Variants in KANSL1 observed in about 807,000 individuals in gnomAD.
The protein encoded by KANSL1 is MLL1/MLL complex subunit KANSL1.
A neutral mutation model predicts 103.6 loss-of-function variants in KANSL1; 22 were observed. The observed-to-expected ratio is 0.21, with a 90% CI of 0.15 to 0.30. The LOEUF (loss-of-function observed/expected upper bound fraction) is 0.30, where lower values mean the gene tolerates loss of function less well. Ranked by LOEUF, KANSL1 falls within the 10% of genes least tolerant of loss-of-function variation. KANSL1 has a pLI of 1.00. For synonymous variants in KANSL1, 600 were observed against 527.6 expected (o/e 1.14, Z -1.88); for missense variants, 1,337 against 1,399.8 (o/e 0.96, Z 0.72).
chr17:46,107,676 C>G (rs569978325), intron 2 of KANSL1, among the ~76,000 whole-genome samples: 26 of 152,310 alleles, frequency 1.7e-4, no homozygotes, highest in African/African-American at 6.3e-4. Context: ...GCTGAAATCG[C>G]TCCCCTCAAC....
rs768018906 is a variant in KANSL1 at position 46,031,609 on chromosome 17, C to T, written c.3185G>A (p.Arg1062His). 7.4e-6 allele frequency: 12 copies of T among 1,614,072 alleles called. No individual in the cohort carries two copies. In the South Asian group the frequency reaches 1.1e-4, roughly 15 times the overall value. ...DQLDAQERAA[R>H]CTRRTSGSKT... Reference sequence around the variant, plus strand: ...GCTGCCTGAGGTGCGTCGAGTGCAGCGGGCTGCTCGCTCCTGTGCATCCAG... The same window carrying T: ...GCTGCCTGAGGTGCGTCGAGTGCAGTGGGCTGCTCGCTCCTGTGCATCCAG... The change falls in exon 15 of 15, where the codon CGC (arginine) becomes CAC (histidine). Residue 1062 changes from arginine (R) to histidine (H), a missense_variant. Around this residue, in one of 2 missense-constraint regions of KANSL1, gnomAD observed 780 missense variants for 923.4 expected, o/e 0.84. Transcript: ENST00000432791.
chr17:46,050,564 A>G lies in KANSL1; in HGVS notation c.1989T>C (p.Ser663=), dbSNP rs368175458. The G allele has an allele frequency of 8.7e-6, 14 of 1,614,088 alleles. No homozygotes were observed. The highest frequency in any genetic ancestry group is 2.2e-5 in the East Asian group (1 of 44,900). Residue 663 remains serine, a synonymous_variant, in exon 7 of 15, where the codon TCT becomes TCC. Transcript: ENST00000432791. ...PLLERLSQLD[S]CVHPVLAFPD... ...GAAATGCTAGAACAGGATGAACACA[A>G]GAGTCCAACTGGGAAAGACGTTCCA...
In KANSL1 at chr17:46,171,056, G is replaced by A. The variant is rs775962610; in HGVS notation, c.1088C>T (p.Thr363Ile). 6 of 1,614,064 alleles carry A rather than the reference G, an allele frequency of 3.7e-6. No individual in the cohort carries two copies. Among genetic ancestry groups the A allele is most frequent in the Admixed American group, 1.7e-5 (1 of 60,006 alleles). The change falls in exon 2 of 15, where the codon ACT becomes ATT. Residue 363 changes from threonine (T) to isoleucine (I), a missense_variant. By Grantham distance (89) the Thr-to-Ile change is moderately conservative (BLOSUM62 -1). Around this residue, in one of 2 missense-constraint regions of KANSL1, gnomAD observed 557 missense variants for 476.4 expected, o/e 1.17. Coordinates refer to ENST00000432791, the MANE Select transcript of KANSL1 (RefSeq NM_015443.4). ...ALRKAASETTTSEGLSNFLKS... is the reference protein window; with the variant it reads ...ALRKAASETTISEGLSNFLKS... ...CAGAAAGTTGCTAAGTCCCTCTGAA[G>A]TGGTGGTCTCACTGGCAGCTTTTCT...
intron 6 of KANSL1, among the ~76,000 whole-genome samples, chr17:46,060,048 A>G (rs2078103987): frequency 6.6e-6 from 1 of 152,200 alleles, no homozygotes; most frequent in African/African-American, 2.4e-5. Context: ...ACACGAAGAA[A>G]TTCCCACGTT....
intron 2 of KANSL1, among the ~76,000 whole-genome samples, chr17:46,147,880 AT>A (rs1466498939): frequency 6.6e-6 from 1 of 152,190 alleles, no homozygotes; most frequent in Non-Finnish European, 1.5e-5. Context: ...AGGAATCTGA[AT>A]TTTTAAGTAC....
intron 3 of KANSL1, chr17:46,093,401 A>T (rs2079491404): frequency 6.6e-6 from 1 of 152,472 alleles, no homozygotes; most frequent in Admixed American, 6.6e-5. Context: ...CTAAGGGAAC[A>T]AACTAGTAAG....
At chr17:46,186,926 G>A (rs2047063578) in intron 1 of KANSL1, among the ~76,000 whole-genome samples, 1 of 152,026 alleles carries the variant, frequency 6.6e-6, no homozygotes, top group Non-Finnish European at 1.5e-5. Context: ...GTAGAGACAG[G>A]GTTTCACCAT....
Position 46,050,594 on chromosome 17 carries a change from A to G in KANSL1, c.1959T>C (p.Pro653=). ...TMPPEIHYEA[P]LLERLSQLDS... ...CCAACTGGGAAAGACGTTCCAACAG[A>G]GGGGCTTCATAGTGAATTTCGGGAG... Residue 653 remains proline, a synonymous_variant, in exon 7 of 15, where the codon CCT becomes CCC. Transcript: ENST00000432791. 6.2e-7 allele frequency: 1 copy of G among 1,614,172 alleles called. No individual in the cohort carries two copies. Among genetic ancestry groups the G allele is most frequent in the Non-Finnish European group, 8.5e-7 (1 of 1,180,036 alleles).
At chr17:46,205,715 T>C (rs2047945571) in intron 1 of KANSL1, among the ~76,000 whole-genome samples, 1 of 149,022 alleles carries the variant, frequency 6.7e-6, no homozygotes, top group South Asian at 2.1e-4. Context: ...GAAATAAATT[T>C]AACAAAAGCA....
At chr17:46,211,367 A>G (rs575664030) in intron 1 of KANSL1, among the ~76,000 whole-genome samples, 8 of 152,214 alleles carry the variant, frequency 5.3e-5, no homozygotes, top group Non-Finnish European at 8.8e-5. Flanking sequence ...AAAATACACT[A>G]AAGTAACAAT....
At chr17:46,068,226 A>T (rs62060800) in intron 4 of KANSL1, among the ~76,000 whole-genome samples, 1 of 152,138 alleles carries the variant, frequency 6.6e-6, no homozygotes, top group Non-Finnish European at 1.5e-5. Context: ...ACTCTAACAG[A>T]GTATGCTAGA....
At chr17:46,190,752 T>C (rs1451787497) in intron 1 of KANSL1, among the ~76,000 whole-genome samples, 1 of 152,196 alleles carries the variant, frequency 6.6e-6, no homozygotes, top group African/African-American at 2.4e-5. Flanking sequence ...ATACACCAAA[T>C]ATGCTAAAGG....
chr17:46,038,187 G>T, intron 10 of KANSL1: 1 of 227,134 alleles, frequency 4.4e-6, no homozygotes. Flanking sequence ...CACTTCTTGG[G>T]CCAACAGGAT....
chr17:46,057,753 T>C (rs1398784738), intron 6 of KANSL1, among the ~76,000 whole-genome samples: 1 of 152,236 alleles, frequency 6.6e-6, no homozygotes, highest in Non-Finnish European at 1.5e-5. Flanking sequence ...GCTAAAATGT[T>C]AGTGGTAGAA....
At chr17:46,122,385 G>A (rs1198659500) in intron 2 of KANSL1, among the ~76,000 whole-genome samples, 2 of 152,178 alleles carry the variant, frequency 1.3e-5, no homozygotes, top group Non-Finnish European at 1.5e-5. Context: ...TATTTAGGCT[G>A]CTATCATAAA....
chr17:46,121,849 G>A (rs1025975713), intron 2 of KANSL1, among the ~76,000 whole-genome samples: 2 of 152,072 alleles, frequency 1.3e-5, no homozygotes, highest in Non-Finnish European at 2.9e-5. Flanking sequence ...TGCATTTAAC[G>A]CACCTAACCT....
intron 2 of KANSL1, among the ~76,000 whole-genome samples, chr17:46,129,468 T>C (rs974898533): frequency 2.0e-5 from 3 of 152,222 alleles, no homozygotes; most frequent in African/African-American, 7.2e-5. Context: ...GCAACAGTGC[T>C]TTGTCGTGAG....
chr17:46,088,996 GA>G (rs111657460), intron 3 of KANSL1, among the ~76,000 whole-genome samples: 2 of 151,872 alleles, frequency 1.3e-5, no homozygotes, highest in Admixed American at 1.3e-4. Context: ...AAGTATGTTA[GA>G]AAAAAAATGC....
chr17:46,105,952 C>CACACAA (rs1391201694), intron 2 of KANSL1, among the ~76,000 whole-genome samples: 58 of 123,642 alleles, frequency 4.7e-4, no homozygotes, highest in Non-Finnish European at 7.2e-4. Context: ...CACACACCCC[C>CACACAA]CCAGAAGGGT....
Sources: allele counts gnomAD v4.1 joint callset (sites outside exome capture counted in the v4.1 genomes callset), GRCh38; gene constraint gnomAD v4.1.1; regional missense constraint gnomAD v4.1.1; transcripts MANE v1.5; gene names NCBI Gene and HGNC (gene_info 2026-07-23, HGNC 2026-07-21).